The following BTG4 variants were observed in gnomAD, a reference collection of about 807,000 sequenced individuals.
BTG4 encodes the protein protein BTG4.
In BTG4, 10 loss-of-function variants were observed where a neutral mutation model predicts 19.3. The observed-to-expected ratio is 0.52, with a 90% CI of 0.32 to 0.88. The LOEUF (loss-of-function observed/expected upper bound fraction) is 0.88, where lower values mean the gene tolerates loss of function less well. Among genes scored for constraint, BTG4 ranks in the 40% least tolerant of loss-of-function variants. BTG4 has a pLI of 0.04. For synonymous variants in BTG4, 91 were observed against 95.7 expected (o/e 0.95, Z 0.29); for missense variants, 238 against 281.9 (o/e 0.84, Z 1.11).
In BTG4 at chr11:111,495,098, C is replaced by T; in HGVS notation, c.*37G>A. The T allele has an allele frequency of 6.7e-7, 1 of 1,497,122 alleles. No homozygotes were observed. Among genetic ancestry groups the T allele is most frequent in the Non-Finnish European group, 8.9e-7 (1 of 1,126,514 alleles). The allele number at this position is 1,497,122 out of a possible 1,614,324, so 92.7% of individuals were successfully genotyped here. A position where few individuals can be genotyped will look rare whatever the true frequency, so the allele number is the denominator to read the frequency against. On this transcript the variant is annotated 3_prime_UTR_variant, in exon 5 of 5. Transcript: ENST00000692032. ...TATTTTAGAGAGAATAAAGGCACTCCTCTGAGCTCTTGCCCACCACGTGCC... is the reference window on the plus strand; with the variant it reads ...TATTTTAGAGAGAATAAAGGCACTCTTCTGAGCTCTTGCCCACCACGTGCC...
the BTG4 span, among the ~76,000 whole-genome samples, chr11:111,425,253 G>A: frequency 1.4e-4 from 22 of 152,282 alleles, no homozygotes; most frequent in African/African-American, 5.3e-4. Flanking sequence ...TTTCTGGGTA[G>A]GGGGTTCACA....
the BTG4 span, among the ~76,000 whole-genome samples, chr11:111,421,983 G>T: frequency 6.6e-6 from 1 of 151,978 alleles, no homozygotes; most frequent in East Asian, 1.9e-4. Context: ...CAAGCTCACG[G>T]GAATCAAAAG....
At chr11:111,514,498 C>T (rs1867142940), upstream of BTG4, 1 of 443,030 alleles carries the variant, frequency 2.3e-6, no homozygotes, top group Non-Finnish European at 4.1e-6. Context: ...TGGCAGCCCA[C>T]TGAGGATATA....
At chr11:111,421,529 G>A in the BTG4 span, among the ~76,000 whole-genome samples, 1 of 152,216 alleles carries the variant, frequency 6.6e-6, no homozygotes, top group East Asian at 1.9e-4. Context: ...ATTAACTGAT[G>A]TCTGCACCTT....
At chr11:111,510,127 G>A (rs904978970) in intron 1 of BTG4, among the ~76,000 whole-genome samples, 3 of 151,754 alleles carry the variant, frequency 2.0e-5, no homozygotes, top group African/African-American at 7.3e-5. Context: ...GGCCAGGATG[G>A]TCTCTATCTC....
At chr11:111,395,922 C>T in the BTG4 span, among the ~76,000 whole-genome samples, 1 of 152,268 alleles carries the variant, frequency 6.6e-6, no homozygotes, top group Admixed American at 6.5e-5. Flanking sequence ...AGCCCCTCAA[C>T]CTGGTCCACC....
At chr11:111,395,966 G>A in the BTG4 span, among the ~76,000 whole-genome samples, 6 of 152,210 alleles carry the variant, frequency 3.9e-5, no homozygotes, top group Non-Finnish European at 8.8e-5. Flanking sequence ...AGCCGCCCCG[G>A]AGGCATGCCT....
the BTG4 span, chr11:111,396,743 C>T: frequency 2.0e-5 from 3 of 152,252 alleles, no homozygotes; most frequent in Non-Finnish European, 4.4e-5. Flanking sequence ...GTTTATGATT[C>T]AATTCCTCAC....
chr11:111,482,286 A>G (rs963782390), intron 5 of BTG4, among the ~76,000 whole-genome samples: 10 of 152,034 alleles, frequency 6.6e-5, no homozygotes, highest in Admixed American at 3.9e-4. Context: ...AGAGTTGTAT[A>G]ACACACACAC....
At chr11:111,495,712 A>G (rs1187625181) in intron 4 of BTG4, among the ~76,000 whole-genome samples, 2 of 152,216 alleles carry the variant, frequency 1.3e-5, no homozygotes, top group East Asian at 3.8e-4. Flanking sequence ...CACACTTTGA[A>G]AAGACATTGC....
the BTG4 span, among the ~76,000 whole-genome samples, chr11:111,438,568 ACTC>A: frequency 6.6e-6 from 1 of 151,786 alleles, no homozygotes; most frequent in Non-Finnish European, 1.5e-5. Context: ...TTCTCTGTAA[ACTC>A]CTCAACAACA....
At chr11:111,473,653 G>A (rs966909480) in intron 5 of BTG4, among the ~76,000 whole-genome samples, 5 of 152,126 alleles carry the variant, frequency 3.3e-5, no homozygotes, top group Admixed American at 3.3e-4. Context: ...TAGAGCATTG[G>A]TCATCAGGGA....
chr11:111,495,753 A>G (rs1865685428), intron 4 of BTG4, among the ~76,000 whole-genome samples: 1 of 152,242 alleles, frequency 6.6e-6, no homozygotes, highest in Non-Finnish European at 1.5e-5. Flanking sequence ...TACAGGTCTG[A>G]TCCCCAAATG....
At chr11:111,395,959 C>T in the BTG4 span, among the ~76,000 whole-genome samples, 158 of 152,338 alleles carry the variant, frequency 1.0e-3, no homozygotes, top group African/African-American at 3.6e-3. Context: ...TCGCAGAAGC[C>T]GCCCCGGAGG....
At chr11:111,478,026 C>T (rs1400391335) in intron 5 of BTG4, among the ~76,000 whole-genome samples, 4 of 152,062 alleles carry the variant, frequency 2.6e-5, no homozygotes, top group African/African-American at 9.7e-5. Flanking sequence ...AACCCTCCTC[C>T]ACCTCATGGT....
chr11:111,492,886 C>CAGCTACTTT (rs1446037853), downstream of BTG4, among the ~76,000 whole-genome samples: 1 of 152,114 alleles, frequency 6.6e-6, no homozygotes, highest in Non-Finnish European at 1.5e-5. Flanking sequence ...CCAGAGTCCC[C>CAGCTACTTT]GGTAATCCCA....
the BTG4 span, among the ~76,000 whole-genome samples, chr11:111,439,110 G>A: frequency 9.2e-5 from 14 of 152,220 alleles, no homozygotes; most frequent in African/African-American, 3.4e-4. Context: ...GCTTCCTGGT[G>A]ATTTGCATAT....
the BTG4 span, among the ~76,000 whole-genome samples, chr11:111,437,272 C>T: frequency 7.9e-5 from 12 of 152,010 alleles, no homozygotes; most frequent in African/African-American, 2.9e-4. Context: ...TCCTGCAAAA[C>T]GGGAGGAGTG....
chr11:111,414,299 C>T, the BTG4 span: 1 of 152,164 alleles, frequency 6.6e-6, no homozygotes, highest in East Asian at 1.9e-4. Context: ...AAAACCAGAG[C>T]CCTCAGTCCC....
Sources: allele counts gnomAD v4.1 joint callset (sites outside exome capture counted in the v4.1 genomes callset), GRCh38; gene constraint gnomAD v4.1.1; transcripts MANE v1.5; gene names NCBI Gene and HGNC (gene_info 2026-07-23, HGNC 2026-07-21).